PPP1R2: variants seen among roughly 807,000 people sequenced by gnomAD.
The protein encoded by PPP1R2 is protein phosphatase 1 regulatory inhibitor subunit 2.
A neutral mutation model predicts 29.9 loss-of-function variants in PPP1R2; 16 were observed. The observed-to-expected ratio is 0.53, with a 90% CI of 0.36 to 0.81. The LOEUF is 0.81. PPP1R2 is among the 30% of genes least tolerant of loss of function. The probability of loss-of-function intolerance (pLI) is 0.00; values close to 1 mark genes in which losing one functional copy is unlikely to be tolerated. For synonymous variants in PPP1R2, 76 were observed against 91.5 expected (o/e 0.83, Z 0.96); for missense variants, 197 against 252.7 (o/e 0.78, Z 1.49).
intron 2 of PPP1R2, among the ~76,000 whole-genome samples, chr3:195,528,453 T>C (rs995349694): frequency 8.5e-5 from 13 of 152,174 alleles, no homozygotes; most frequent in Non-Finnish European, 2.9e-5. Flanking sequence ...GTCTTTAATA[T>C]CTTCAAGTTT....
chr3:195,537,508 T>TGTGTGTGTGTGTGTGTGTGTGTGCGC (rs1560444803), intron 1 of PPP1R2, among the ~76,000 whole-genome samples: 3 of 146,924 alleles, frequency 2.0e-5, no homozygotes, highest in African/African-American at 7.4e-5. Context: ...TGTGTGTGTG[T>TGTGTGTGTGTGTGTGTGTGTGTGCGC]GTGTGTGTGT....
At chr3:195,527,204 C>T (rs964534118) in intron 2 of PPP1R2, among the ~76,000 whole-genome samples, 32 of 151,722 alleles carry the variant, frequency 2.1e-4, no homozygotes, top group African/African-American at 7.5e-4. Context: ...TAATCCCACA[C>T]TTTGGGAGGC....
rs143788589 is a variant in PPP1R2 at position 195,540,853 on chromosome 3, T to C, written c.122+2051A>G. Among the ~76,000 whole-genome samples the C allele has an allele frequency of 1.1e-3, 175 of 152,352 alleles. 1 individual carries two copies. The highest frequency in any genetic ancestry group is 3.9e-3 in the African/African-American group (163 of 41,588). ...CGTAAGAAATAAATTCAGTTTCTTA[T>C]AAATTATCATTTCAGACATTCTGTT... On this transcript the variant is annotated intron_variant, in intron 1 of 5. Coordinates refer to ENST00000618156, the MANE Select transcript of PPP1R2 (RefSeq NM_006241.8).
rs1718505374 is a variant in PPP1R2 at position 195,515,298 on chromosome 3, A to G, written c.*1598T>C. The G allele has an allele frequency of 6.5e-6, 1 of 152,890 alleles. No homozygotes were observed. The highest frequency in any genetic ancestry group is 2.4e-5 in the African/African-American group (1 of 41,460). 9.5% of individuals were successfully genotyped at this position (152,890 alleles called of 1,614,324 possible). A position where few individuals can be genotyped will look rare whatever the true frequency, so the allele number is the denominator to read the frequency against. ...TTCAAAAAATCAAAATAATGGCCAC[A>G]TTCTTCTAACAGCAAGGAATTCTCC... On this transcript the variant is annotated 3_prime_UTR_variant, in exon 6 of 6. Transcript: ENST00000618156.
At position 195,543,266 on chromosome 3, in the gene PPP1R2, G is replaced by T. The variant is rs1045752305; in HGVS notation, c.-241C>A. The T allele has an allele frequency of 2.4e-6, 1 of 412,800 alleles. No homozygotes were observed. The highest frequency in any genetic ancestry group is 4.2e-6 in the Non-Finnish European group (1 of 238,522). The allele number at this position is 412,800 out of a possible 1,614,324, so 25.6% of individuals were successfully genotyped here. A position where few individuals can be genotyped will look rare whatever the true frequency, so the allele number is the denominator to read the frequency against. Reference sequence around the variant, plus strand: ...ACCCTTAGCCACTGGCACTTGACCCGCGGCTCGCGGAGAGACGCCGGCCTA... The same window carrying T: ...ACCCTTAGCCACTGGCACTTGACCCTCGGCTCGCGGAGAGACGCCGGCCTA... On this transcript the variant is annotated 5_prime_UTR_variant, in exon 1 of 6. Coordinates refer to ENST00000618156, the MANE Select transcript of PPP1R2 (RefSeq NM_006241.8).
chr3:195,542,704 T>TAAA (rs768162560), intron 1 of PPP1R2, among the ~76,000 whole-genome samples, 200 bp downstream of exon 1: 6 of 144,620 alleles, frequency 4.1e-5, no homozygotes, highest in African/African-American at 7.6e-5. Flanking sequence ...CCCAAATGCT[T>TAAA]AAAAAAAAAA....
intron 2 of PPP1R2, among the ~76,000 whole-genome samples, chr3:195,528,254 C>T (rs575174146): frequency 5.9e-4 from 90 of 152,242 alleles, no homozygotes; most frequent in African/African-American, 1.9e-3. Context: ...TCCTGGGTTA[C>T]TTCACTTAGA....
chr3:195,536,871 T>C (rs1170317396), intron 1 of PPP1R2, among the ~76,000 whole-genome samples: 1 of 151,446 alleles, frequency 6.6e-6, no homozygotes, highest in Non-Finnish European at 1.5e-5. Context: ...GAAAGACCTC[T>C]GGAGTTTAAA....
rs1553886658 is a variant in PPP1R2 at position 195,532,219 on chromosome 3, T to TC, written c.123-2319_123-2318insG. On this transcript the variant is annotated intron_variant, in intron 1 of 5. Transcript: ENST00000618156. ...CTAATTTTTCTTTTTCTTTTTCTTT[T>TC]TTTTTTTTTTTTTTTACAGGTGGAG... is the stretch of plus-strand genomic sequence containing the variant. Among the ~76,000 whole-genome samples the TC allele has an allele frequency of 4.6e-3, 674 of 145,966 alleles. 5 individuals are homozygous for TC. Among genetic ancestry groups the TC allele is most frequent in the African/African-American group, 0.015 (606 of 39,388 alleles).
chr3:195,536,377 T>C (rs1401409925), intron 1 of PPP1R2, among the ~76,000 whole-genome samples: 1 of 152,110 alleles, frequency 6.6e-6, no homozygotes. Context: ...AGCAATAATT[T>C]CTGACACTTT....
intron 1 of PPP1R2, among the ~76,000 whole-genome samples, chr3:195,540,704 G>C (rs1420478320): frequency 6.6e-6 from 1 of 152,072 alleles, no homozygotes; most frequent in African/African-American, 2.4e-5. Flanking sequence ...GACCTGAGCT[G>C]GCACGCTCAG....
At chr3:195,532,751 T>G (rs1307200298) in intron 1 of PPP1R2, among the ~76,000 whole-genome samples, 1 of 152,150 alleles carries the variant, frequency 6.6e-6, no homozygotes, top group Non-Finnish European at 1.5e-5. Context: ...TTGTGACAAT[T>G]TGAAGAAACT....
intron 2 of PPP1R2, among the ~76,000 whole-genome samples, chr3:195,526,374 A>T (rs1718971498): frequency 6.6e-6 from 1 of 152,142 alleles, no homozygotes; most frequent in African/African-American, 2.4e-5. Flanking sequence ...CTGGGATTAC[A>T]AGGATGAGCT....
chr3:195,519,735 C>T (rs997399271), intron 4 of PPP1R2: 2 of 151,856 alleles, frequency 1.3e-5, no homozygotes, highest in South Asian at 4.1e-4. Flanking sequence ...AAAACGTAAC[C>T]TCATTTTCAG....
chr3:195,533,738 T>C (rs1409731149), intron 1 of PPP1R2, among the ~76,000 whole-genome samples: 1 of 152,218 alleles, frequency 6.6e-6, no homozygotes, highest in Non-Finnish European at 1.5e-5. Flanking sequence ...AAACCTTGCA[T>C]ATTTTGTGAA....
chr3:195,537,481 TTGTGTGTGTGTGTGTG>T (rs71180930), intron 1 of PPP1R2, among the ~76,000 whole-genome samples: 6,237 of 128,566 alleles, frequency 0.049, 244 homozygotes, highest in South Asian at 0.19. Flanking sequence ...GGATTAGCTA[TTGTGTGTGTGTGTGTG>T]TGTGTGTGTG....
chr3:195,538,053 C>A (rs1214961975), intron 1 of PPP1R2, among the ~76,000 whole-genome samples: 4 of 152,208 alleles, frequency 2.6e-5, no homozygotes, highest in Admixed American at 6.5e-5. Flanking sequence ...AACTGTATGA[C>A]CTCCTTTGAG....
Position 195,529,890 on chromosome 3 carries a change from T to A in PPP1R2, c.134A>T (p.Gln45Leu). The change falls in exon 2 of 6, where the codon CAG (glutamine) becomes CTG (leucine). Residue 45 changes from glutamine to leucine, a missense_variant. Gln to Leu is a moderately radical substitution (Grantham distance 113). Coordinates refer to ENST00000618156, the MANE Select transcript of PPP1R2 (RefSeq NM_006241.8). ...NVDEELSKKS[Q>L]KWDEMNILAT... Reference sequence around the variant, plus strand: ...CAAGATGTTCATTTCATCCCACTTCTGGGATTTTTTGCTAAAATTAAAAAG... The same window carrying A: ...CAAGATGTTCATTTCATCCCACTTCAGGGATTTTTTGCTAAAATTAAAAAG... 1 of 1,605,244 alleles carries A rather than the reference T, an allele frequency of 6.2e-7. No individual in the cohort carries two copies. Among genetic ancestry groups the A allele is most frequent in the Non-Finnish European group, 8.5e-7 (1 of 1,177,734 alleles).
chr3:195,524,841 C>T lies in PPP1R2; in HGVS notation c.286G>A (p.Ala96Thr), dbSNP rs1718903432. 1 of 1,614,170 alleles carries T rather than the reference C, an allele frequency of 6.2e-7. No homozygotes were observed. The highest frequency in any genetic ancestry group is 8.5e-7 in the Non-Finnish European group (1 of 1,180,018). Reference sequence around the variant, plus strand: ...TACTTCCTGGCTAAGATGTCTGGCGCCATGGCTTCAGTGGCCTCGGTGTCA... The same window carrying T: ...TACTTCCTGGCTAAGATGTCTGGCGTCATGGCTTCAGTGGCCTCGGTGTCA... ...CSDTEATEAM[A>T]PDILARKLAA... is the part of the protein sequence containing the mutation. Residue 96 changes from alanine to threonine, a missense_variant, in exon 3 of 6, where the codon GCG becomes ACG. Coordinates refer to ENST00000618156, the MANE Select transcript of PPP1R2 (RefSeq NM_006241.8).
Sources: gnomAD v4.1 joint callset for allele counts (sites outside exome capture counted in the v4.1 genomes callset) on GRCh38, gnomAD v4.1.1 for gene constraint, MANE v1.5 for transcripts, NCBI Gene and HGNC (gene_info 2026-07-23, HGNC 2026-07-21) for gene names.